PTPRK: variants seen among roughly 807,000 people sequenced by gnomAD.
PTPRK encodes the protein receptor-type tyrosine-protein phosphatase kappa.
PTPRK carries 75 observed loss-of-function variants against 178.0 expected under a neutral mutation model. The ratio of observed to expected loss-of-function variants is 0.42; its 90% CI spans 0.35 to 0.51. The LOEUF (loss-of-function observed/expected upper bound fraction) is 0.51. PTPRK is among the 20% of genes least tolerant of loss of function. The pLI is 0.02. For synonymous variants in PTPRK, 637 were observed against 620.6 expected, an observed-to-expected ratio of 1.03 and a Z score of -0.39; for missense variants, 1,441 against 1,797.8, an observed-to-expected ratio of 0.80 and a Z score of 3.59.
At chr6:128,361,742 T>C (rs1373801650) in intron 2 of PTPRK, among the ~76,000 whole-genome samples, 1 of 152,178 alleles carries the variant, frequency 6.6e-6, no homozygotes, top group Non-Finnish European at 1.5e-5. Flanking sequence ...TATAAAAATA[T>C]AGTAGTATAA....
chr6:128,170,296 G>A lies in PTPRK; in HGVS notation c.1162+14136C>T, dbSNP rs9491918. On this transcript the variant is annotated intron_variant, in intron 7 of 29. Coordinates refer to ENST00000368226, the MANE Select transcript of PTPRK (RefSeq NM_002844.4). ...GCTACATCTTTGTCTCTACATCTAC[G>A]CTTAATTTATACCTATCCATTATAC... 1.6e-3 allele frequency among the ~76,000 whole-genome samples: 250 copies of A among 151,924 alleles called. 2 individuals carry two copies. The highest frequency in any genetic ancestry group is 5.2e-3 in the African/African-American group (215 of 41,466).
chr6:128,412,552 G>A (rs545080810), intron 1 of PTPRK, among the ~76,000 whole-genome samples: 119 of 152,320 alleles, frequency 7.8e-4, no homozygotes, highest in African/African-American at 2.8e-3. Flanking sequence ...CCAACATGCT[G>A]GCCAGGTATC....
intron 14 of PTPRK, among the ~76,000 whole-genome samples, chr6:128,008,701 G>A (rs1438316487): frequency 6.6e-6 from 1 of 151,040 alleles, no homozygotes; most frequent in African/African-American, 2.4e-5. Flanking sequence ...ACTAAATAAT[G>A]TTTATATTCT....
chr6:128,259,112 C>T (rs1283244741), intron 3 of PTPRK, among the ~76,000 whole-genome samples: 4 of 152,072 alleles, frequency 2.6e-5, no homozygotes, highest in Non-Finnish European at 5.9e-5. Context: ...ACAGGGAAAG[C>T]ATGGATTTTT....
chr6:128,268,967 G>T (rs1819372307), intron 3 of PTPRK, among the ~76,000 whole-genome samples: 1 of 151,756 alleles, frequency 6.6e-6, no homozygotes, highest in South Asian at 2.1e-4. Flanking sequence ...TTCTTACCTT[G>T]GTAGGAAATC....
chr6:128,502,737 C>T (rs1855741377), intron 1 of PTPRK, among the ~76,000 whole-genome samples: 1 of 152,150 alleles, frequency 6.6e-6, no homozygotes, highest in African/African-American at 2.4e-5. Context: ...TAAATCAAAA[C>T]TTATCACTTT....
At chr6:128,101,873 A>G (rs1001445870) in intron 7 of PTPRK, among the ~76,000 whole-genome samples, 4 of 152,156 alleles carry the variant, frequency 2.6e-5, no homozygotes, top group African/African-American at 9.7e-5. Flanking sequence ...TGATCTCCCT[A>G]TTGAAACACT....
intron 1 of PTPRK, among the ~76,000 whole-genome samples, chr6:128,416,697 A>G (rs527838283): frequency 1.3e-5 from 2 of 151,574 alleles, no homozygotes; most frequent in Admixed American, 1.3e-4. Context: ...CTCAATAACA[A>G]CTGGCTTTTA....
intron 6 of PTPRK, among the ~76,000 whole-genome samples, chr6:128,210,711 C>G (rs1460863045): frequency 6.6e-6 from 1 of 151,800 alleles, no homozygotes; most frequent in African/African-American, 2.4e-5. Context: ...TTTTTTTCCC[C>G]CTTAATGTGA....
chr6:128,455,037 CA>C (rs1198963673), intron 1 of PTPRK, among the ~76,000 whole-genome samples: 2 of 151,968 alleles, frequency 1.3e-5, no homozygotes, highest in Non-Finnish European at 2.9e-5. Context: ...TTTTAAAAGG[CA>C]ATTAATAGCA....
At chr6:128,428,934 A>G (rs1375851152) in intron 1 of PTPRK, among the ~76,000 whole-genome samples, 1 of 152,204 alleles carries the variant, frequency 6.6e-6, no homozygotes, top group African/African-American at 2.4e-5. Context: ...GCTAATGTAA[A>G]TGTTCTGAAC....
rs1583463629 is a variant in PTPRK at position 127,973,879 on chromosome 6, A to T, written c.3970-52T>A. On this transcript the variant is annotated intron_variant, in intron 27 of 29. Coordinates refer to ENST00000368226, the MANE Select transcript of PTPRK (RefSeq NM_002844.4). ...ATACGCTGGGACTACAATTTTTACTAAAAAGTAAAAGGTGCATATAATTTA... is the reference window on the plus strand; with the variant it reads ...ATACGCTGGGACTACAATTTTTACTTAAAAGTAAAAGGTGCATATAATTTA... 3 of 1,541,518 alleles carry T rather than the reference A, an allele frequency of 1.9e-6. No homozygotes were observed. The South Asian group carries it at 3.6e-5, about 18-fold the overall frequency.
intron 5 of PTPRK, among the ~76,000 whole-genome samples, chr6:128,223,496 A>G (rs1810772162): frequency 6.6e-6 from 1 of 152,098 alleles, no homozygotes; most frequent in Non-Finnish European, 1.5e-5. Context: ...CATGATGCTT[A>G]TATGTGTGTG....
chr6:128,114,992 T>A (rs1390310808), intron 7 of PTPRK, among the ~76,000 whole-genome samples: 12 of 151,156 alleles, frequency 7.9e-5, no homozygotes, highest in African/African-American at 2.9e-4. Flanking sequence ...AAAAAAAAAA[T>A]TAAACCAAAA....
chr6:127,985,581 A>G, intron 22 of PTPRK, 140 bp downstream of exon 22: 1 of 933,888 alleles, frequency 1.1e-6, no homozygotes, highest in Non-Finnish European at 1.5e-6. Flanking sequence ...CTTTTATTTT[A>G]TTGCTGTTTT....
chr6:128,180,696 C>A (rs962234499), intron 7 of PTPRK, among the ~76,000 whole-genome samples: 11 of 152,058 alleles, frequency 7.2e-5, no homozygotes, highest in Admixed American at 6.6e-4. Context: ...TAAAACACAG[C>A]ATATATTGGA....
At chr6:128,283,902 G>A (rs1425340904) in intron 3 of PTPRK, among the ~76,000 whole-genome samples, 2 of 152,084 alleles carry the variant, frequency 1.3e-5, no homozygotes, top group East Asian at 1.9e-4. Context: ...CTACCACAAT[G>A]ACCCACTAAC....
At chr6:128,396,541 A>T (rs974882376) in intron 2 of PTPRK, among the ~76,000 whole-genome samples, 14 of 152,046 alleles carry the variant, frequency 9.2e-5, no homozygotes, top group African/African-American at 3.4e-4. Flanking sequence ...GCAGAATTGA[A>T]AGCACAACTA....
intron 7 of PTPRK, among the ~76,000 whole-genome samples, chr6:128,155,272 A>G (rs1321063325): frequency 6.6e-6 from 1 of 151,712 alleles, no homozygotes; most frequent in Non-Finnish European, 1.5e-5. Context: ...GGAGGCTCAG[A>G]ATATTCAGTG....
Sources: allele counts gnomAD v4.1 joint callset (sites outside exome capture counted in the v4.1 genomes callset), GRCh38; gene constraint gnomAD v4.1.1; transcripts MANE v1.5; gene names NCBI Gene and HGNC (gene_info 2026-07-23, HGNC 2026-07-21).